UBA2: variants seen among roughly 807,000 people sequenced by gnomAD.
UBA2 encodes SUMO-activating enzyme subunit 2.
Under a neutral mutation model 77.2 loss-of-function variants are expected in UBA2, and 11 were observed. The ratio of observed to expected loss-of-function variants is 0.14; its 90% CI spans 0.09 to 0.24. The LOEUF (loss-of-function observed/expected upper bound fraction) is 0.24. UBA2 is among the 10% of genes least tolerant of loss of function. The pLI is 1.00. For synonymous variants in UBA2, 278 were observed against 276.7 expected, an observed-to-expected ratio of 1.00 and a Z score of -0.05; for missense variants, 487 against 781.7, an observed-to-expected ratio of 0.62 and a Z score of 4.50.
At chr19:34,458,591 AAGAAGG>A (rs1352492566) in intron 12 of UBA2, 172 bp from the exon 13 acceptor site, 1 of 202,436 alleles carries the variant, frequency 4.9e-6, no homozygotes, top group Admixed American at 8.0e-5. Flanking sequence ...AAAAAAAAAA[AAGAAGG>A]TTGAAAAACC....
chr19:34,452,018 C>A lies in UBA2; in HGVS notation c.909C>A (p.Pro303=). 1 of 1,599,132 alleles carries A rather than the reference C, an allele frequency of 6.3e-7. No homozygotes were observed. The highest frequency in any genetic ancestry group is 8.5e-7 in the Non-Finnish European group (1 of 1,171,464). Reference sequence around the variant, plus strand: ...ATGCATCAGATCAACAGAATGAACCCCAGTTAGGCCTGAAAGACCAGCAGG... The same window carrying A: ...ATGCATCAGATCAACAGAATGAACCACAGTTAGGCCTGAAAGACCAGCAGG... ...ETNASDQQNE[P]QLGLKDQQVL... Residue 303 remains proline, a synonymous_variant, in exon 10 of 17, where the codon CCC becomes CCA. Transcript: ENST00000246548.
At chr19:34,436,395 G>T (rs2075309005) in intron 5 of UBA2, among the ~76,000 whole-genome samples, 1 of 152,084 alleles carries the variant, frequency 6.6e-6, no homozygotes, top group Admixed American at 6.6e-5. Context: ...CGTCTCCCTG[G>T]TTCAAGCGAT....
chr19:34,453,928 T>C (rs1356284595), intron 10 of UBA2, among the ~76,000 whole-genome samples: 1 of 152,142 alleles, frequency 6.6e-6, no homozygotes, highest in East Asian at 1.9e-4. Context: ...AGGGTTGCCA[T>C]TGTCAGTGAG....
At chr19:34,458,658 G>A (rs2075599229) in intron 12 of UBA2, 111 bp from the exon 13 acceptor site, 2 of 915,802 alleles carry the variant, frequency 2.2e-6, no homozygotes, top group South Asian at 5.0e-5. Context: ...CATCTGGACG[G>A]GAATTTTTAA....
Position 34,466,957 on chromosome 19 carries a change from G to A in UBA2, c.1684G>A (p.Ala562Thr). ...EKVGPKQAED[A>T]AKSITNGSDD... The stretch of plus-strand genomic sequence containing the variant: ...AGTGGGGCCCAAACAAGCTGAAGAT[G>A]CTGCCAAAAGCATAACCAATGGCAG... Residue 562 changes from alanine to threonine, a missense_variant, in exon 16 of 17, where the codon GCT becomes ACT. Transcript: ENST00000246548. 1 of 1,614,086 alleles carries A rather than the reference G, an allele frequency of 6.2e-7. No homozygotes were observed.
intron 3 of UBA2, among the ~76,000 whole-genome samples, chr19:34,432,264 T>A (rs1325264601): frequency 6.6e-6 from 1 of 152,216 alleles, no homozygotes; most frequent in African/African-American, 2.4e-5. Flanking sequence ...TTGCCTTTTT[T>A]TGTTTAAAAG....
At chr19:34,450,137 T>C (rs936617944) in intron 8 of UBA2, 128 bp from the exon 9 acceptor site, 12 of 613,714 alleles carry the variant, frequency 2.0e-5, no homozygotes, top group East Asian at 3.4e-5. Context: ...AAAATTGTTA[T>C]GCTGCTGGTA....
Position 34,464,127 on chromosome 19 carries a change from C to T in UBA2, c.1600C>T (p.His534Tyr). Reference protein sequence around the residue: ...QDYTLLINILHSEDLGKDVEF... With the variant: ...QDYTLLINILYSEDLGKDVEF... ...CTATACTTTATTGATCAACATCCTTCATAGGTAAGAGCTATTAGTATTTTA... is the reference window on the plus strand; with the variant it reads ...CTATACTTTATTGATCAACATCCTTTATAGGTAAGAGCTATTAGTATTTTA... Residue 534 changes from histidine (H) to tyrosine (Y), a missense_variant, in exon 15 of 17, where the codon CAT becomes TAT. Around this residue, in one of 9 missense-constraint regions of UBA2, gnomAD observed 300 missense variants for 454.3 expected, o/e 0.66. Coordinates refer to ENST00000246548, the MANE Select transcript of UBA2 (RefSeq NM_005499.3). 1 of 1,579,884 alleles carries T rather than the reference C, an allele frequency of 6.3e-7. No individual in the cohort carries two copies. The highest frequency in any genetic ancestry group is 2.2e-5 in the East Asian group (1 of 44,716).
intron 8 of UBA2, 25 bp downstream of exon 8, chr19:34,445,146 A>G: frequency 1.9e-6 from 3 of 1,600,178 alleles, no homozygotes; most frequent in South Asian, 2.2e-5. Flanking sequence ...TTTTATAATC[A>G]TGGATAGATG....
intron 14 of UBA2, among the ~76,000 whole-genome samples, chr19:34,463,221 G>T (rs935926796): frequency 1.3e-5 from 2 of 152,174 alleles, no homozygotes; most frequent in African/African-American, 4.8e-5. Context: ...GTGTGACACG[G>T]TGAGACCCTG....
chr19:34,440,045 C>G (rs186765184), intron 6 of UBA2, among the ~76,000 whole-genome samples: 2 of 151,784 alleles, frequency 1.3e-5, no homozygotes, highest in African/African-American at 4.8e-5. Flanking sequence ...TACTAAGTGC[C>G]CAGTGCGGTG....
At chr19:34,463,917 G>T in intron 14 of UBA2, 109 bp from the exon 15 acceptor site, 1 of 722,246 alleles carries the variant, frequency 1.4e-6, no homozygotes, top group Non-Finnish European at 2.4e-6. Context: ...TTGGATTTTG[G>T]TGAACGGGAC....
chr19:34,458,944 C>T lies in UBA2; in HGVS notation c.1401+20C>T. The T allele has an allele frequency of 6.2e-7, 1 of 1,601,646 alleles. No individual in the cohort carries two copies. Among genetic ancestry groups the T allele is most frequent in the Non-Finnish European group, 8.5e-7 (1 of 1,175,718 alleles). On this transcript the variant is annotated intron_variant, in intron 13 of 16. Transcript: ENST00000246548. ...GACAAGGTCAGTGCAAGGCCTGGGT[C>T]TCTTTTCCTTTTGCTTTTACAGTAT...
chr19:34,438,936 C>A (rs190311726), intron 6 of UBA2, among the ~76,000 whole-genome samples, 170 bp downstream of exon 6: 1 of 152,058 alleles, frequency 6.6e-6, no homozygotes, highest in South Asian at 2.1e-4. Context: ...TGGCCGGGTG[C>A]GGTGGCTCAC....
In UBA2 at chr19:34,456,653, G is replaced by A. The variant is rs536432448; in HGVS notation, c.1245+2097G>A. Among the ~76,000 whole-genome samples the A allele has an allele frequency of 3.3e-5, 5 of 151,884 alleles. No individual in the cohort carries two copies. The South Asian group carries it at 1.0e-3, about 32-fold the overall frequency. On this transcript the variant is annotated intron_variant, in intron 12 of 16. Transcript: ENST00000246548. ...GCTCACTGCAACCTCCACCTCCCAA[G>A]TAGAAGTGATTCTCCTGCCTCAGCC...
At chr19:34,447,952 C>G (rs1195132187) in intron 8 of UBA2, among the ~76,000 whole-genome samples, 1 of 152,132 alleles carries the variant, frequency 6.6e-6, no homozygotes, top group East Asian at 1.9e-4. Context: ...AGGAAACTCT[C>G]AGTTGGAAAA....
intron 6 of UBA2, among the ~76,000 whole-genome samples, chr19:34,439,959 A>G (rs1413836626): frequency 6.6e-6 from 1 of 152,222 alleles, no homozygotes; most frequent in Non-Finnish European, 1.5e-5. Context: ...GCTATAAGAA[A>G]AAAAAGGGAT....
chr19:34,434,215 G>A (rs182697249), intron 4 of UBA2, among the ~76,000 whole-genome samples: 26 of 152,266 alleles, frequency 1.7e-4, no homozygotes, highest in Middle Eastern at 3.4e-3. Flanking sequence ...GGGCTCAGGT[G>A]ATACTCTTAC....
chr19:34,458,072 G>T (rs2075587669), intron 12 of UBA2, among the ~76,000 whole-genome samples: 1 of 152,166 alleles, frequency 6.6e-6, no homozygotes, highest in African/African-American at 2.4e-5. Flanking sequence ...GTCTTGTCAG[G>T]AGATTGCTTG....
Sources: allele counts gnomAD v4.1 joint callset (sites outside exome capture counted in the v4.1 genomes callset), GRCh38; gene constraint gnomAD v4.1.1; regional missense constraint gnomAD v4.1.1; transcripts MANE v1.5; gene names NCBI Gene and HGNC (gene_info 2026-07-23, HGNC 2026-07-21).